Variants in GLIS3 observed in about 807,000 individuals in gnomAD.
GLIS3 encodes zinc finger protein GLIS3.
A neutral mutation model predicts 78.6 loss-of-function variants in GLIS3; 53 were observed. The observed-to-expected ratio is 0.67, with a 90% CI of 0.54 to 0.85. The LOEUF is 0.85. GLIS3 is among the 40% of genes least tolerant of loss of function. GLIS3 has a pLI of 0.00. For synonymous variants in GLIS3, 684 were observed against 509.9 expected (o/e 1.34, Z -4.60); for missense variants, 1,703 against 1,231.1 (o/e 1.38, Z -5.74).
chr9:4,208,804 G>A (rs1209611284), intron 2 of GLIS3, among the ~76,000 whole-genome samples: 1 of 152,178 alleles, frequency 6.6e-6, no homozygotes, highest in Non-Finnish European at 1.5e-5. Flanking sequence ...CTCAATGGGT[G>A]GCTGGCTCTT....
intron 4 of GLIS3, among the ~76,000 whole-genome samples, chr9:4,107,962 A>G (rs1472938881): frequency 1.3e-5 from 2 of 152,064 alleles, no homozygotes; most frequent in East Asian, 3.9e-4. Context: ...GTGTGTGTGC[A>G]TGCATGTGTG....
the GLIS3 span, among the ~76,000 whole-genome samples, chr9:4,370,997 G>A: frequency 6.6e-6 from 1 of 152,166 alleles, no homozygotes; most frequent in Non-Finnish European, 1.5e-5. Context: ...GAAGATGTGA[G>A]CCCTCAAATG....
intron 4 of GLIS3, among the ~76,000 whole-genome samples, chr9:3,951,008 C>T (rs922504744): frequency 2.0e-5 from 3 of 152,326 alleles, no homozygotes; most frequent in South Asian, 2.1e-4. Context: ...AACAGACCCT[C>T]AGGTCTGGAG....
intron 2 of GLIS3, among the ~76,000 whole-genome samples, chr9:4,311,600 G>A (rs1044262730): frequency 5.3e-5 from 8 of 152,014 alleles, no homozygotes; most frequent in African/African-American, 1.9e-4. Context: ...ACACTCCCCA[G>A]CTCCTACCCC....
chr9:4,339,205 T>C (rs995184434), intron 2 of GLIS3, among the ~76,000 whole-genome samples: 4 of 152,234 alleles, frequency 2.6e-5, no homozygotes, highest in African/African-American at 9.6e-5. Flanking sequence ...GTAAGTCACA[T>C]GAAGCCAGTC....
chr9:4,093,567 T>A (rs1222363855), intron 4 of GLIS3, among the ~76,000 whole-genome samples: 1 of 152,176 alleles, frequency 6.6e-6, no homozygotes, highest in African/African-American at 2.4e-5. Flanking sequence ...CATTTTAAAC[T>A]GGCAAGGAGC....
upstream of GLIS3, among the ~76,000 whole-genome samples, chr9:4,303,646 C>CA (rs1352133161): frequency 6.6e-6 from 1 of 152,158 alleles, no homozygotes; most frequent in African/African-American, 2.4e-5. Flanking sequence ...TAAAATGTGT[C>CA]AGACCAAATG....
At position 4,286,508 on chromosome 9, in the gene GLIS3, G is replaced by C; in HGVS notation, c.-83C>G. The stretch of plus-strand genomic sequence containing the variant: ...AGGCAAAGTCCAATAAGTTATCCAT[G>C]GTGTGGGTTATAAGCCTGTTTAAAA... On this transcript the variant is annotated 5_prime_UTR_variant, in exon 2 of 11. Coordinates refer to ENST00000381971, the MANE Select transcript of GLIS3 (RefSeq NM_001042413.2). 1 of 1,524,014 alleles carries C rather than the reference G, an allele frequency of 6.6e-7. No homozygotes were observed. The allele number at this position is 1,524,014 out of a possible 1,614,324, so 94.4% of individuals were successfully genotyped here.
chr9:4,075,411 C>CAA lies in GLIS3; in HGVS notation c.1710+42355_1710+42356dup, dbSNP rs59194808. Among the ~76,000 whole-genome samples the CAA allele has an allele frequency of 1.4e-4, 17 of 118,162 alleles. 1 individual carries two copies. The highest frequency in any genetic ancestry group is 3.8e-4 in the African/African-American group (12 of 31,394). 77.5% of individuals were successfully genotyped at this position (118,162 alleles called of 152,430 possible). A position where few individuals can be genotyped will look rare whatever the true frequency, so the allele number is the denominator to read the frequency against. On this transcript the variant is annotated intron_variant, in intron 4 of 10. Coordinates refer to ENST00000381971, the MANE Select transcript of GLIS3 (RefSeq NM_001042413.2). Reference sequence around the variant, plus strand: ...GTGAAACCCGTCTCTACTAAAAATACAAAAAAAAAAAAAAATTAGCTGGGC... The same window carrying CAA: ...GTGAAACCCGTCTCTACTAAAAATACAAAAAAAAAAAAAAAAATTAGCTGGGC...
intron 9 of GLIS3, among the ~76,000 whole-genome samples, chr9:3,840,686 C>T (rs1004398623): frequency 6.6e-6 from 1 of 152,194 alleles, no homozygotes; most frequent in Non-Finnish European, 1.5e-5. Context: ...CTGGAGCAAC[C>T]GCCTGGTCCC....
intron 4 of GLIS3, chr9:4,305,968 G>C (rs1267042873): frequency 6.6e-6 from 1 of 152,114 alleles, no homozygotes; most frequent in Non-Finnish European, 1.5e-5. Flanking sequence ...AGGTACCTAA[G>C]GTATTAAGTT....
chr9:3,897,870 G>C (rs1254570085), intron 7 of GLIS3, among the ~76,000 whole-genome samples: 1 of 152,214 alleles, frequency 6.6e-6, no homozygotes, highest in Non-Finnish European at 1.5e-5. Context: ...TCTGGAATCA[G>C]ATGGGGGTGG....
chr9:3,989,646 G>A (rs1195145088), intron 4 of GLIS3, among the ~76,000 whole-genome samples: 1 of 152,158 alleles, frequency 6.6e-6, no homozygotes. Context: ...CATACTGTAT[G>A]AGTCCATGTA....
the GLIS3 span, among the ~76,000 whole-genome samples, chr9:4,372,213 C>T: frequency 1.3e-5 from 2 of 152,166 alleles, no homozygotes; most frequent in African/African-American, 2.4e-5. Flanking sequence ...ATGTACCACC[C>T]GTGCAGTTGC....
chr9:4,109,708 C>G (rs1831055751), intron 4 of GLIS3, among the ~76,000 whole-genome samples: 1 of 152,062 alleles, frequency 6.6e-6, no homozygotes, highest in African/African-American at 2.4e-5. Context: ...AAACATGATC[C>G]CTATTTGGTA....
intron 4 of GLIS3, among the ~76,000 whole-genome samples, chr9:4,111,286 A>C (rs527285750): frequency 3.4e-4 from 52 of 152,180 alleles, no homozygotes; most frequent in Non-Finnish European, 5.3e-4. Context: ...AATGAGGATA[A>C]AGCCTCAAAT....
chr9:4,131,994 T>A (rs1586760695), intron 2 of GLIS3, among the ~76,000 whole-genome samples: 1 of 152,028 alleles, frequency 6.6e-6, no homozygotes, highest in East Asian at 1.9e-4. Context: ...TGCTGTTTAA[T>A]TCTCTTCTCA....
chr9:4,210,112 A>G (rs369821208), intron 2 of GLIS3, among the ~76,000 whole-genome samples: 19 of 152,360 alleles, frequency 1.2e-4, no homozygotes, highest in African/African-American at 4.3e-4. Flanking sequence ...TTACTGAATA[A>G]AAGATGCTTT....
At chr9:3,972,874 G>A (rs535276285) in intron 4 of GLIS3, among the ~76,000 whole-genome samples, 6 of 152,218 alleles carry the variant, frequency 3.9e-5, no homozygotes, top group Admixed American at 2.6e-4. Context: ...CCCAAAACAC[G>A]TTAGAATGAG....
Sources: gnomAD v4.1 joint callset for allele counts (sites outside exome capture counted in the v4.1 genomes callset) on GRCh38, gnomAD v4.1.1 for gene constraint, MANE v1.5 for transcripts, NCBI Gene and HGNC (gene_info 2026-07-23, HGNC 2026-07-21) for gene names.